Variants in PTPRU observed in about 807,000 individuals in gnomAD.
PTPRU encodes receptor-type tyrosine-protein phosphatase U.
Under a neutral mutation model 166.3 loss-of-function variants are expected in PTPRU, and 69 were observed. The ratio of observed to expected loss-of-function variants is 0.41; its 90% CI spans 0.34 to 0.51. PTPRU has a LOEUF of 0.51. PTPRU is among the 20% of genes least tolerant of loss of function. The pLI, the probability that PTPRU is intolerant of heterozygous loss-of-function variation, is 0.09. For missense variants in PTPRU, 1,657 were observed against 2,013.7 expected (o/e 0.82, Z 3.39); for synonymous variants, 793 against 814.0 (o/e 0.97, Z 0.44).
At chr1:29,294,984 C>A (rs1297249933) in intron 15 of PTPRU, among the ~76,000 whole-genome samples, 1 of 152,154 alleles carries the variant, frequency 6.6e-6, no homozygotes, top group Non-Finnish European at 1.5e-5. Flanking sequence ...AAACATGAAG[C>A]TGTGCCAACT....
intron 14 of PTPRU, among the ~76,000 whole-genome samples, chr1:29,286,949 C>G (rs1231914604): frequency 1.3e-5 from 2 of 152,236 alleles, no homozygotes; most frequent in Admixed American, 1.3e-4. Flanking sequence ...GGATCTGAGC[C>G]TGGCCTTCAG....
At chr1:29,275,315 G>A (rs1030413425) in intron 7 of PTPRU, 133 bp from the exon 8 acceptor site, 10 of 954,818 alleles carry the variant, frequency 1.0e-5, no homozygotes, top group Non-Finnish European at 1.5e-5. Context: ...TGATGTTCTA[G>A]GGGTCCCCTG....
chr1:29,241,744 G>A (rs1301867599), intron 1 of PTPRU, among the ~76,000 whole-genome samples: 4 of 151,432 alleles, frequency 2.6e-5, no homozygotes, highest in Admixed American at 6.6e-5. Context: ...ACAGGCGCAC[G>A]CCACCATGCC....
At chr1:29,283,042 G>GGCCC in intron 12 of PTPRU, 93 bp downstream of exon 12, 2 of 1,516,572 alleles carry the variant, frequency 1.3e-6, no homozygotes, top group Non-Finnish European at 1.8e-6. Flanking sequence ...GCAGACTCCA[G>GGCCC]GCCCGGCACT....
intron 14 of PTPRU, among the ~76,000 whole-genome samples, chr1:29,290,483 T>C (rs1686577024): frequency 6.6e-6 from 1 of 152,230 alleles, no homozygotes; most frequent in Non-Finnish European, 1.5e-5. Context: ...CTCTGTCTTC[T>C]ACTCTGCAAG....
chr1:29,303,819 TGTGTCAA>T, intron 15 of PTPRU, 29 bp from the exon 16 acceptor site: 1 of 1,558,128 alleles, frequency 6.4e-7, no homozygotes, highest in Non-Finnish European at 8.8e-7. Flanking sequence ...CTGGGGCATG[TGTGTCAA>T]GAACCCTTTT....
chr1:29,304,881 G>A (rs1485868827), intron 17 of PTPRU, 32 bp downstream of exon 17: 32 of 1,571,206 alleles, frequency 2.0e-5, no homozygotes, highest in Non-Finnish European at 2.8e-5. Context: ...GGGGTCCAGG[G>A]CAGTGGGTGG....
At position 29,259,455 on chromosome 1, in the gene PTPRU, C is replaced by A; in HGVS notation, c.566C>A (p.Ala189Asp). 6.2e-7 allele frequency: 1 copy of A among 1,611,354 alleles called. No homozygotes were observed. Among genetic ancestry groups the A allele is most frequent in the Non-Finnish European group, 8.5e-7 (1 of 1,178,298 alleles). The change falls in exon 5 of 30, where the codon GCC (alanine) becomes GAC (aspartate). Residue 189 changes from alanine (A) to aspartate (D), a missense_variant. By Grantham distance (126) the Ala-to-Asp change is moderately radical (BLOSUM62 -2). Transcript: ENST00000373779. ...TGCAGCTCTAACCCCGCAGCAAAGG[C>A]CCCACACTTCTCCCGCCTGGGCGAC... ...ILLLSYPCAK[A>D]PHFSRLGDVE...
intron 14 of PTPRU, among the ~76,000 whole-genome samples, chr1:29,287,595 T>C (rs1005603038): frequency 7.0e-6 from 1 of 143,864 alleles, no homozygotes; most frequent in Admixed American, 7.0e-5. Flanking sequence ...GTATGTATGT[T>C]TTTTTTTTTT....
At chr1:29,266,772 A>G (rs1685324915) in intron 7 of PTPRU, among the ~76,000 whole-genome samples, 1 of 152,228 alleles carries the variant, frequency 6.6e-6, no homozygotes, top group African/African-American at 2.4e-5. Context: ...AAGGCCACCA[A>G]CATGTGAGTT....
chr1:29,240,416 A>G (rs1048007981), intron 1 of PTPRU, among the ~76,000 whole-genome samples: 1 of 152,164 alleles, frequency 6.6e-6, no homozygotes, highest in Non-Finnish European at 1.5e-5. Context: ...ATGGCCTGAA[A>G]GAATAAAGTT....
chr1:29,275,891 G>C (rs1685785002), intron 8 of PTPRU, 135 bp downstream of exon 8: 1 of 945,976 alleles, frequency 1.1e-6, no homozygotes, highest in Non-Finnish European at 1.6e-6. Context: ...CACCAAAGTA[G>C]TGATAGCTCC....
chr1:29,280,273 T>A lies in PTPRU; in HGVS notation c.1868+132T>A. On this transcript the variant is annotated intron_variant, in intron 11 of 29. Coordinates refer to ENST00000373779, the MANE Select transcript of PTPRU (RefSeq NM_133178.4). The surrounding 1 kb of genome is among the most constrained non-coding windows in gnomAD (Gnocchi z 4.2). ...TCTCCCACGCAGGGCTTGGAGTGTCTGGAGGAGATTGTTCTGTGATGCTTG... is the reference window on the plus strand; with the variant it reads ...TCTCCCACGCAGGGCTTGGAGTGTCAGGAGGAGATTGTTCTGTGATGCTTG... 1 of 863,624 alleles carries A rather than the reference T, an allele frequency of 1.2e-6. No individual in the cohort carries two copies. Among genetic ancestry groups the A allele is most frequent in the Non-Finnish European group, 1.8e-6 (1 of 567,834 alleles). The allele number at this position is 863,624 out of a possible 1,614,324, so 53.5% of individuals were successfully genotyped here. A position where few individuals can be genotyped will look rare whatever the true frequency, so the allele number is the denominator to read the frequency against.
At chr1:29,255,855 C>T (rs1574615429) in intron 2 of PTPRU, among the ~76,000 whole-genome samples, 1 of 152,332 alleles carries the variant, frequency 6.6e-6, no homozygotes, top group Middle Eastern at 3.4e-3. Flanking sequence ...TGCCCTCTTC[C>T]TCCTGGAAGT....
At chr1:29,277,075 C>T (rs1047244022) in intron 8 of PTPRU, among the ~76,000 whole-genome samples, 2 of 152,166 alleles carry the variant, frequency 1.3e-5, no homozygotes, top group Non-Finnish European at 2.9e-5. Context: ...AATTATGTTG[C>T]TTAATTTCTA....
intron 18 of PTPRU, among the ~76,000 whole-genome samples, chr1:29,309,150 G>A (rs1687536214): frequency 6.6e-6 from 1 of 152,150 alleles, no homozygotes; most frequent in Admixed American, 6.5e-5. Flanking sequence ...TGTTTGTCTT[G>A]CTATTATCCT....
At chr1:29,289,604 G>C (rs1339249766) in intron 14 of PTPRU, 73 of 1,579,444 alleles carry the variant, frequency 4.6e-5, no homozygotes, top group Non-Finnish European at 6.2e-5. Flanking sequence ...CCACCCTGCT[G>C]CCTGGGCATT....
chr1:29,325,462 C>A (rs1688368377), intron 29 of PTPRU, 136 bp downstream of exon 29: 1 of 1,502,892 alleles, frequency 6.7e-7, no homozygotes, highest in Non-Finnish European at 9.2e-7. Context: ...TAAAACATTA[C>A]CCCCATTTCT....
intron 14 of PTPRU, among the ~76,000 whole-genome samples, chr1:29,287,295 A>G (rs533917028): frequency 9.7e-4 from 148 of 152,284 alleles, no homozygotes; most frequent in African/African-American, 3.4e-3. Context: ...CTGTGCTTCC[A>G]GAAGTCCCCA....
Sources: gnomAD v4.1 joint callset for allele counts (sites outside exome capture counted in the v4.1 genomes callset) on GRCh38, gnomAD v4.1.1 for gene constraint, Gnocchi (gnomAD v3.1) non-coding constraint, MANE v1.5 for transcripts, NCBI Gene and HGNC (gene_info 2026-07-23, HGNC 2026-07-21) for gene names.